Variants in ZCWPW2 observed in about 807,000 individuals in gnomAD.
ZCWPW2 encodes the protein zinc finger CW-type and PWWP domain containing 2, also known as zinc finger CW-type PWWP domain protein 2.
Under a neutral mutation model 46.6 loss-of-function variants are expected in ZCWPW2, and 45 were observed. The observed-to-expected ratio is 0.96, with a 90% CI of 0.76 to 1.24. The LOEUF (loss-of-function observed/expected upper bound fraction) is 1.24, where lower values mean the gene tolerates loss of function less well. Ranked by LOEUF, ZCWPW2 falls within the 50% of genes most tolerant of loss-of-function variation. The pLI, the probability that ZCWPW2 is intolerant of heterozygous loss-of-function variation, is 0.00. For missense variants in ZCWPW2, 429 were observed against 403.9 expected (o/e 1.06, Z -0.53); for synonymous variants, 152 against 137.1 (o/e 1.11, Z -0.76).
At chr3:28,509,709 A>G (rs938854503) in intron 6 of ZCWPW2, among the ~76,000 whole-genome samples, 1 of 152,084 alleles carries the variant, frequency 6.6e-6, no homozygotes, top group Non-Finnish European at 1.5e-5. Context: ...AGTTCTTTAC[A>G]TATTCTAGAT....
At chr3:28,474,307 A>G (rs1379569885) in intron 4 of ZCWPW2, among the ~76,000 whole-genome samples, 1 of 152,228 alleles carries the variant, frequency 6.6e-6, no homozygotes, top group Non-Finnish European at 1.5e-5. Context: ...GTGATTTCAC[A>G]ATAACCTCCA....
chr3:28,483,989 C>T (rs1180150729), intron 5 of ZCWPW2, among the ~76,000 whole-genome samples: 14 of 152,128 alleles, frequency 9.2e-5, no homozygotes, highest in Admixed American at 7.9e-4. Context: ...TGTCTTACTG[C>T]GTTATCTAGG....
intron 3 of ZCWPW2, among the ~76,000 whole-genome samples, chr3:28,425,036 AT>A (rs1431024011): frequency 6.6e-6 from 1 of 152,094 alleles, no homozygotes; most frequent in Non-Finnish European, 1.5e-5. Context: ...CAAAAAATTG[AT>A]TTTTTTGTCA....
At chr3:28,412,129 T>C (rs1356110057) in intron 2 of ZCWPW2, among the ~76,000 whole-genome samples, 1 of 151,962 alleles carries the variant, frequency 6.6e-6, no homozygotes, top group Non-Finnish European at 1.5e-5. Context: ...ACTTGGATAG[T>C]ATGGTACATT....
chr3:28,523,702 T>G (rs531930715), intron 9 of ZCWPW2, among the ~76,000 whole-genome samples: 1 of 152,236 alleles, frequency 6.6e-6, no homozygotes, highest in South Asian at 2.1e-4. Flanking sequence ...GAAAAAAGCT[T>G]ATACACATAG....
At chr3:28,390,658 A>G (rs952351854) in intron 2 of ZCWPW2, 41 bp downstream of exon 2, 3 of 985,162 alleles carry the variant, frequency 3.0e-6, no homozygotes, top group Non-Finnish European at 3.6e-6. Context: ...TCTCTAGTAC[A>G]TAAGCATTTT....
intron 1 of ZCWPW2, among the ~76,000 whole-genome samples, chr3:28,360,356 A>C (rs1704893293): frequency 7.0e-6 from 1 of 143,564 alleles, no homozygotes; most frequent in African/African-American, 2.7e-5. Flanking sequence ...ATACAAAAAA[A>C]AAAAAAAAAA....
chr3:28,380,381 TTTC>T (rs925773200), intron 1 of ZCWPW2, among the ~76,000 whole-genome samples: 2 of 152,198 alleles, frequency 1.3e-5, no homozygotes, highest in Admixed American at 1.3e-4. Flanking sequence ...AGCTTGCTCT[TTTC>T]TTTGCATTTC....
intron 4 of ZCWPW2, among the ~76,000 whole-genome samples, chr3:28,444,653 C>T (rs1697914998): frequency 6.6e-6 from 1 of 152,240 alleles, no homozygotes; most frequent in South Asian, 2.1e-4. Flanking sequence ...AAGAGCTTTC[C>T]ACAATTTCAG....
intron 6 of ZCWPW2, among the ~76,000 whole-genome samples, chr3:28,496,600 G>T (rs1419693004): frequency 6.6e-6 from 1 of 151,822 alleles, no homozygotes; most frequent in Non-Finnish European, 1.5e-5. Flanking sequence ...ACTTAGTAAG[G>T]TAGCTTTTAT....
chr3:28,389,381 A>G (rs1695399562), intron 1 of ZCWPW2, among the ~76,000 whole-genome samples: 1 of 152,048 alleles, frequency 6.6e-6, no homozygotes, highest in African/African-American at 2.4e-5. Flanking sequence ...GAACCATCCA[A>G]TCTCATTATA....
intron 3 of ZCWPW2, among the ~76,000 whole-genome samples, chr3:28,420,757 T>G (rs1260706233): frequency 6.6e-6 from 1 of 152,088 alleles, no homozygotes; most frequent in African/African-American, 2.4e-5. Flanking sequence ...ACTGTAATCT[T>G]TTCTTCTTGA....
At chr3:28,503,018 A>T (rs576956057) in intron 6 of ZCWPW2, among the ~76,000 whole-genome samples, 1 of 152,266 alleles carries the variant, frequency 6.6e-6, no homozygotes, top group South Asian at 2.1e-4. Flanking sequence ...CTAGTTTTGT[A>T]TTAATTTTTC....
chr3:28,480,489 C>T (rs568259278), intron 5 of ZCWPW2, among the ~76,000 whole-genome samples: 26 of 152,046 alleles, frequency 1.7e-4, no homozygotes, highest in African/African-American at 5.5e-4. Flanking sequence ...GATATTAGAC[C>T]TTTGTCAGAT....
At chr3:28,379,819 T>C (rs1046371303) in intron 1 of ZCWPW2, among the ~76,000 whole-genome samples, 9 of 152,184 alleles carry the variant, frequency 5.9e-5, no homozygotes, top group Non-Finnish European at 1.0e-4. Context: ...TGACCATTTG[T>C]AGCTCAAGTA....
In ZCWPW2 at chr3:28,515,515, T is replaced by G. The variant is rs370294827; in HGVS notation, c.717-39T>G. 9.3e-5 allele frequency: 135 copies of G among 1,451,496 alleles called. 1 individual carries two copies. The South Asian group carries it at 1.4e-3, about 15-fold the overall frequency. 89.9% of individuals were successfully genotyped at this position (1,451,496 alleles called of 1,614,324 possible). A position where few individuals can be genotyped will look rare whatever the true frequency, so the allele number is the denominator to read the frequency against. ...AAATGGTCATTTAAATATTCATGATTGATCTTTTGAAACTAAATCTGTCAA... is the reference window on the plus strand; with the variant it reads ...AAATGGTCATTTAAATATTCATGATGGATCTTTTGAAACTAAATCTGTCAA... On this transcript the variant is annotated intron_variant, in intron 7 of 9. Transcript: ENST00000383768.
chr3:28,493,148 ATGTT>A (rs1699880886), intron 6 of ZCWPW2, among the ~76,000 whole-genome samples: 1 of 30,426 alleles, frequency 3.3e-5, no homozygotes, highest in Non-Finnish European at 6.5e-5. Flanking sequence ...ATTTTTTTTA[ATGTT>A]TTTTTTTTTA....
chr3:28,368,414 A>G (rs1418831723), intron 1 of ZCWPW2, among the ~76,000 whole-genome samples: 1 of 152,088 alleles, frequency 6.6e-6, no homozygotes, highest in Non-Finnish European at 1.5e-5. Context: ...TTCTTCACTT[A>G]TGAAGCTTAG....
chr3:28,349,013 G>A lies in ZCWPW2; in HGVS notation c.-324G>A, dbSNP rs532423525. 6.9e-5 allele frequency: 68 copies of A among 985,948 alleles called. No individual in the cohort carries two copies. Among genetic ancestry groups the A allele is most frequent in the Non-Finnish European group, 7.8e-5 (65 of 830,486 alleles). The allele number at this position is 985,948 out of a possible 1,614,324, so 61.1% of individuals were successfully genotyped here. A position where few individuals can be genotyped will look rare whatever the true frequency, so the allele number is the denominator to read the frequency against. ...GGGGCTGCCGCTGTCCGCGGGCTCG[G>A]CGCCAGGGACGCGCGAGGAAACCGG... On this transcript the variant is annotated 5_prime_UTR_variant, in exon 1 of 10. Coordinates refer to ENST00000383768, the MANE Select transcript of ZCWPW2 (RefSeq NM_001040432.4).
Sources: allele counts gnomAD v4.1 joint callset (sites outside exome capture counted in the v4.1 genomes callset), GRCh38; gene constraint gnomAD v4.1.1; transcripts MANE v1.5; gene names NCBI Gene and HGNC (gene_info 2026-07-23, HGNC 2026-07-21).